The following PTPRD variants were observed in gnomAD, a reference collection of about 807,000 sequenced individuals.
PTPRD encodes the protein protein tyrosine phosphatase receptor type D, also known as receptor-type tyrosine-protein phosphatase delta.
PTPRD carries 34 observed loss-of-function variants against 214.5 expected under a neutral mutation model. The observed-to-expected ratio is 0.16, with a 90% CI of 0.12 to 0.21. The LOEUF (loss-of-function observed/expected upper bound fraction) is 0.21, where lower values mean the gene tolerates loss of function less well. Ranked by LOEUF, PTPRD falls within the 10% of genes least tolerant of loss-of-function variation. PTPRD has a pLI of 1.00. For synonymous variants in PTPRD, 1,128 were observed against 845.7 expected (o/e 1.33, Z -5.79); for missense variants, 2,545 against 2,398.7 (o/e 1.06, Z -1.27).
intron 4 of PTPRD, among the ~76,000 whole-genome samples, chr9:9,979,910 A>G (rs2095482167): frequency 1.3e-5 from 2 of 152,196 alleles, no homozygotes; most frequent in African/African-American, 4.8e-5. Context: ...TGCTTGATAA[A>G]TTGTCTTGAA....
At chr9:10,523,561 C>G (rs886154396) in intron 2 of PTPRD, among the ~76,000 whole-genome samples, 4 of 125,332 alleles carry the variant, frequency 3.2e-5, no homozygotes, top group East Asian at 5.1e-4. Context: ...AAATATCTTT[C>G]TAATAAAATA....
chr9:9,935,235 CAGG>C (rs1309520448), intron 5 of PTPRD, among the ~76,000 whole-genome samples: 9 of 151,954 alleles, frequency 5.9e-5, no homozygotes, highest in African/African-American at 2.2e-4. Flanking sequence ...GGCAATCAGG[CAGG>C]AGAAGGAAAT....
intron 2 of PTPRD, among the ~76,000 whole-genome samples, chr9:10,566,786 C>A (rs973804951): frequency 6.6e-6 from 1 of 151,986 alleles, no homozygotes; most frequent in Non-Finnish European, 1.5e-5. Context: ...CTCATAGCAT[C>A]TTCCAAGTTT....
chr9:8,964,245 G>C (rs1403774025), intron 11 of PTPRD, among the ~76,000 whole-genome samples: 2 of 89,216 alleles, frequency 2.2e-5, no homozygotes, highest in Admixed American at 1.7e-4. Context: ...ACTTGATGTT[G>C]GTCTGTTCAG....
chr9:8,523,463 G>A, intron 19 of PTPRD, 50 bp downstream of exon 19: 1 of 1,591,482 alleles, frequency 6.3e-7, no homozygotes, highest in South Asian at 1.1e-5. Context: ...TTTGTTATTG[G>A]TTTAATTAAT....
At chr9:8,743,264 G>C (rs559205130) in intron 11 of PTPRD, among the ~76,000 whole-genome samples, 102 of 152,240 alleles carry the variant, frequency 6.7e-4, no homozygotes, top group African/African-American at 2.4e-3. Flanking sequence ...TCCTAAGTTA[G>C]AACCAAAGTT....
intron 11 of PTPRD, among the ~76,000 whole-genome samples, chr9:8,992,833 G>T (rs1014058290): frequency 1.3e-5 from 2 of 152,108 alleles, no homozygotes; most frequent in Non-Finnish European, 2.9e-5. Flanking sequence ...GCAGTTAGAG[G>T]GACTAAAGGG....
intron 2 of PTPRD, among the ~76,000 whole-genome samples, chr9:10,425,471 A>T (rs936349846): frequency 6.6e-6 from 1 of 151,914 alleles, no homozygotes; most frequent in African/African-American, 2.4e-5. Flanking sequence ...ATTTATCATC[A>T]GTAATGTGCT....
intron 4 of PTPRD, among the ~76,000 whole-genome samples, chr9:10,019,285 T>A (rs1277328828): frequency 3.3e-5 from 5 of 152,122 alleles, no homozygotes; most frequent in African/African-American, 1.2e-4. Flanking sequence ...AAACAGGGGC[T>A]GGAGAGGATG....
intron 11 of PTPRD, among the ~76,000 whole-genome samples, chr9:8,936,427 C>CAAGAAAA (rs2098997655): frequency 3.2e-5 from 1 of 31,640 alleles, no homozygotes; most frequent in Non-Finnish European, 5.2e-5. Context: ...ACCCTGCCTC[C>CAAGAAAA]AAAAAAAAAA....
rs567393629 is a variant in PTPRD at position 9,588,789 on chromosome 9, T to C, written c.-286-14008A>G. Among the ~76,000 whole-genome samples the C allele has an allele frequency of 7.2e-5, 11 of 152,098 alleles. No homozygotes were observed. The South Asian group carries it at 8.3e-4, about 11-fold the overall frequency. The stretch of plus-strand genomic sequence containing the variant: ...GTTTTCTAAATATTTTACTCATCAA[T>C]GTCATCATTTTAGCTGAGTATAATG... On this transcript the variant is annotated intron_variant, in intron 7 of 45. Coordinates refer to ENST00000381196, the MANE Select transcript of PTPRD (RefSeq NM_002839.4).
chr9:8,591,006 A>G (rs1453786335), intron 14 of PTPRD, among the ~76,000 whole-genome samples: 3 of 152,116 alleles, frequency 2.0e-5, no homozygotes, highest in African/African-American at 7.2e-5. Context: ...CAGTTTCTAG[A>G]GGCTGCCCAC....
intron 39 of PTPRD, among the ~76,000 whole-genome samples, chr9:8,370,569 T>G (rs1260880288): frequency 6.6e-6 from 1 of 152,100 alleles, no homozygotes; most frequent in Non-Finnish European, 1.5e-5. Context: ...TATGTTCCAG[T>G]GATTAAAGAA....
chr9:9,278,232 G>C (rs1946371979), intron 9 of PTPRD, among the ~76,000 whole-genome samples: 1 of 151,232 alleles, frequency 6.6e-6, no homozygotes, highest in African/African-American at 2.4e-5. Context: ...TCTCATGCCA[G>C]AAATCTTGCA....
intron 11 of PTPRD, among the ~76,000 whole-genome samples, chr9:8,914,333 C>T (rs964575251): frequency 2.6e-5 from 4 of 151,652 alleles, no homozygotes; most frequent in Admixed American, 1.3e-4. Flanking sequence ...TTGTTCTTAC[C>T]AAATAACAAT....
chr9:9,056,479 T>A (rs910561019), intron 10 of PTPRD, among the ~76,000 whole-genome samples: 5 of 152,236 alleles, frequency 3.3e-5, no homozygotes, highest in Non-Finnish European at 7.3e-5. Context: ...ATTCCTCATC[T>A]GATCAAGGGA....
At chr9:9,833,453 G>A (rs150494359) in intron 5 of PTPRD, among the ~76,000 whole-genome samples, 54 of 152,006 alleles carry the variant, frequency 3.6e-4, no homozygotes, top group African/African-American at 9.4e-4. Flanking sequence ...GAGGCAGGGC[G>A]AGATCACAGG....
chr9:8,768,371 C>CAAA (rs1381195002), intron 11 of PTPRD, among the ~76,000 whole-genome samples: 2 of 152,074 alleles, frequency 1.3e-5, no homozygotes, highest in Admixed American at 1.3e-4. Flanking sequence ...AGCAACATGG[C>CAAA]AAAACCTTGT....
intron 10 of PTPRD, among the ~76,000 whole-genome samples, chr9:9,032,430 G>A (rs1485336258): frequency 6.6e-6 from 1 of 151,988 alleles, no homozygotes; most frequent in African/African-American, 2.4e-5. Flanking sequence ...AAACAGAGAG[G>A]CCTTGTTTTT....
Sources: allele counts gnomAD v4.1 joint callset (sites outside exome capture counted in the v4.1 genomes callset), GRCh38; gene constraint gnomAD v4.1.1; transcripts MANE v1.5; gene names NCBI Gene and HGNC (gene_info 2026-07-23, HGNC 2026-07-21).